The following PTPRG variants were observed in gnomAD, a reference collection of about 807,000 sequenced individuals.
PTPRG encodes the protein receptor-type tyrosine-protein phosphatase gamma.
In PTPRG, 102 loss-of-function variants were observed where a neutral mutation model predicts 165.3. The ratio of observed to expected loss-of-function variants is 0.62; its 90% confidence interval spans 0.53 to 0.73. The LOEUF is 0.73. Among genes scored for constraint, PTPRG ranks in the 30% least tolerant of loss-of-function variants. The pLI, the probability that PTPRG is intolerant of heterozygous loss-of-function variation, is 0.00. For missense variants in PTPRG, 1,866 were observed against 1,861.4 expected, an observed-to-expected ratio of 1.00 and a Z score of -0.05; for synonymous variants, 675 against 669.5, an observed-to-expected ratio of 1.01 and a Z score of -0.13.
In PTPRG at chr3:62,085,993, A is replaced by G. The variant is rs74643005; in HGVS notation, c.615+7735A>G. On this transcript the variant is annotated intron_variant, in intron 5 of 29. Coordinates refer to ENST00000474889, the MANE Select transcript of PTPRG (RefSeq NM_002841.4). ...GAGGACAGATCAAGTCAGGCAGATAAAATCTCAAGAGAATAATGCAAGAAT... is the reference window on the plus strand; with the variant it reads ...GAGGACAGATCAAGTCAGGCAGATAGAATCTCAAGAGAATAATGCAAGAAT... Among the ~76,000 whole-genome samples the G allele has an allele frequency of 5.3e-5, 8 of 152,336 alleles. No homozygotes were observed. In the East Asian group the frequency reaches 1.5e-3, roughly 29 times the overall value.
Position 62,210,730 on chromosome 3 carries a change from G to C in PTPRG, c.2155+6780G>C, listed in dbSNP as rs1038006321. ...TGATGAGAATGAAGACCTTTATGATGACCCACTTCCACTTAATGAATAGTA... is the reference window on the plus strand; with the variant it reads ...TGATGAGAATGAAGACCTTTATGATCACCCACTTCCACTTAATGAATAGTA... On this transcript the variant is annotated intron_variant, in intron 12 of 29. Coordinates refer to ENST00000474889, the MANE Select transcript of PTPRG (RefSeq NM_002841.4). The surrounding 1 kb of genome is among the most constrained non-coding windows in gnomAD (Gnocchi z 4.1). Among the ~76,000 whole-genome samples, 2 of 151,976 alleles carry C rather than the reference G, an allele frequency of 1.3e-5. No individual in the cohort carries two copies. The highest frequency in any genetic ancestry group is 4.8e-5 in the African/African-American group (2 of 41,362).
intron 1 of PTPRG, among the ~76,000 whole-genome samples, chr3:61,573,551 A>G (rs1275282687): frequency 2.6e-5 from 4 of 152,210 alleles, no homozygotes; most frequent in Non-Finnish European, 4.4e-5. Context: ...GTACATGTTC[A>G]TTAAGTGGTC....
chr3:62,064,314 A>G (rs1477000041), intron 4 of PTPRG, among the ~76,000 whole-genome samples: 1 of 152,196 alleles, frequency 6.6e-6, no homozygotes, highest in African/African-American at 2.4e-5. Flanking sequence ...GCATATACCC[A>G]CAGGACACAA....
chr3:62,063,628 T>A (rs1485893494), intron 4 of PTPRG, among the ~76,000 whole-genome samples: 1 of 152,178 alleles, frequency 6.6e-6, no homozygotes. Context: ...TAAATTAAAT[T>A]CTGCATAAAT....
intron 2 of PTPRG, among the ~76,000 whole-genome samples, chr3:61,989,049 G>A (rs539740777): frequency 2.6e-5 from 4 of 152,284 alleles, no homozygotes; most frequent in African/African-American, 9.6e-5. Flanking sequence ...GGAGAGATGA[G>A]TGTCTTAACA....
intron 6 of PTPRG, among the ~76,000 whole-genome samples, chr3:62,156,065 T>G (rs1031578404): frequency 1.1e-4 from 17 of 152,234 alleles, no homozygotes; most frequent in African/African-American, 3.6e-4. Flanking sequence ...AGAAGCTAGA[T>G]AGTTTACTGG....
intron 7 of PTPRG, among the ~76,000 whole-genome samples, chr3:62,159,204 T>A (rs1482421941): frequency 6.6e-6 from 1 of 151,854 alleles, no homozygotes; most frequent in Non-Finnish European, 1.5e-5. Context: ...GTGGCACATG[T>A]CTGTTGATCC....
rs985218029 is a variant in PTPRG, at chr3:61,686,633, G to A, written c.86-62245G>A. ...TCAGTGTTTGGATTTTGAAAGGATT[G>A]GAAATAACCTGACAGCCCATTAATA... On this transcript the variant is annotated intron_variant, in intron 1 of 29. Coordinates refer to ENST00000474889, the MANE Select transcript of PTPRG (RefSeq NM_002841.4). Among the ~76,000 whole-genome samples, 4 of 152,116 alleles carry A rather than the reference G, an allele frequency of 2.6e-5. No homozygotes were observed. In the East Asian group the frequency reaches 7.7e-4, roughly 29 times the overall value.
At chr3:61,926,548 A>G (rs1484359237) in intron 2 of PTPRG, among the ~76,000 whole-genome samples, 2 of 140,222 alleles carry the variant, frequency 1.4e-5, no homozygotes, top group African/African-American at 2.7e-5. Flanking sequence ...TTTTCTTCAT[A>G]AATTACTCAG....
chr3:62,017,741 A>C (rs1389048891), intron 4 of PTPRG, among the ~76,000 whole-genome samples: 1 of 152,138 alleles, frequency 6.6e-6, no homozygotes, highest in East Asian at 1.9e-4. Context: ...TGATCTTTTT[A>C]AGGTCTGTTC....
intron 1 of PTPRG, among the ~76,000 whole-genome samples, chr3:61,688,082 T>G (rs1575590359): frequency 6.6e-6 from 1 of 152,326 alleles, no homozygotes; most frequent in East Asian, 1.9e-4. Context: ...GTGGCTGACA[T>G]CACTTTCATG....
intron 13 of PTPRG, among the ~76,000 whole-genome samples, chr3:62,227,313 C>G (rs955479663): frequency 3.9e-5 from 6 of 152,216 alleles, no homozygotes. Context: ...TGTTTGTCCC[C>G]TTTTCACCCC....
chr3:62,162,753 C>A (rs1704815737), intron 7 of PTPRG, among the ~76,000 whole-genome samples: 1 of 152,244 alleles, frequency 6.6e-6, no homozygotes, highest in Non-Finnish European at 1.5e-5. Context: ...TTCTCCACTG[C>A]AGTGTGGCTC....
intron 4 of PTPRG, among the ~76,000 whole-genome samples, chr3:62,062,602 T>G (rs1700853737): frequency 6.6e-6 from 1 of 152,210 alleles, no homozygotes. Flanking sequence ...GAAAAGAAGT[T>G]TTGTAGAAAT....
intron 5 of PTPRG, among the ~76,000 whole-genome samples, chr3:62,104,213 T>C (rs562102003): frequency 7.6e-4 from 115 of 152,304 alleles, no homozygotes; most frequent in African/African-American, 2.6e-3. Context: ...AGGACACTAT[T>C]ATGGTACTAT....
chr3:61,836,750 T>TA (rs397700751), intron 2 of PTPRG, among the ~76,000 whole-genome samples: 3 of 151,522 alleles, frequency 2.0e-5, no homozygotes, highest in African/African-American at 4.9e-5. Context: ...TTTGTTTTTT[T>TA]ATTTGTTTTT....
chr3:61,592,400 A>G (rs1465184764), intron 1 of PTPRG, among the ~76,000 whole-genome samples: 3 of 152,172 alleles, frequency 2.0e-5, no homozygotes, highest in Non-Finnish European at 4.4e-5. Context: ...ATCAGCATGA[A>G]TACAATGTTG....
At chr3:62,157,359 C>T (rs763532670) in intron 7 of PTPRG, 135 bp downstream of exon 7, 9 of 931,502 alleles carry the variant, frequency 9.7e-6, no homozygotes, top group East Asian at 2.7e-5. Flanking sequence ...GCAGTCTTTC[C>T]CACAAACATG....
chr3:61,766,719 C>T (rs555190267), intron 2 of PTPRG, among the ~76,000 whole-genome samples: 1 of 151,924 alleles, frequency 6.6e-6, no homozygotes, highest in Admixed American at 6.6e-5. Context: ...TGAGTTTAAG[C>T]AATTCTCCTG....
Sources: gnomAD v4.1 joint callset for allele counts (sites outside exome capture counted in the v4.1 genomes callset) on GRCh38, gnomAD v4.1.1 for gene constraint, Gnocchi (gnomAD v3.1) non-coding constraint, MANE v1.5 for transcripts, NCBI Gene and HGNC (gene_info 2026-07-23, HGNC 2026-07-21) for gene names.